The following CCDC3 variants were observed in gnomAD, a reference collection of about 807,000 sequenced individuals.
CCDC3 encodes coiled-coil domain containing 3.
CCDC3 carries 24 observed loss-of-function variants against 21.4 expected under a neutral mutation model. That is an observed-to-expected ratio of 1.12 (90% confidence interval 0.81 to 1.58). The LOEUF is 1.58. Among genes scored for constraint, CCDC3 ranks in the 40% most tolerant of loss-of-function variants. The probability of loss-of-function intolerance (pLI) is 0.00; values close to 1 mark genes in which losing one functional copy is unlikely to be tolerated. For missense variants in CCDC3, 425 were observed against 360.9 expected, an observed-to-expected ratio of 1.18 and a Z score of -1.44; for synonymous variants, 186 against 166.0, an observed-to-expected ratio of 1.12 and a Z score of -0.93.
intron 2 of CCDC3, among the ~76,000 whole-genome samples, chr10:12,964,421 G>T (rs1197480437): frequency 6.6e-6 from 1 of 151,636 alleles, no homozygotes; most frequent in South Asian, 2.1e-4. Context: ...CTTTATAAAA[G>T]CCACACCAAA....
At chr10:13,066,125 G>A (rs1267932584) in intron 4 of CCDC3, among the ~76,000 whole-genome samples, 2 of 151,952 alleles carry the variant, frequency 1.3e-5, no homozygotes, top group African/African-American at 4.8e-5. Flanking sequence ...ATCTGGAGTT[G>A]AGCCTAGGAA....
chr10:12,925,237 A>C (rs78562859), intron 2 of CCDC3, among the ~76,000 whole-genome samples: 8,090 of 152,198 alleles, frequency 0.053, 239 homozygotes, highest in Non-Finnish European at 0.072. Flanking sequence ...AGGAATATGA[A>C]GGAGGGGTGC....
At chr10:12,906,442 C>A (rs1039639538) in intron 2 of CCDC3, among the ~76,000 whole-genome samples, 2 of 152,164 alleles carry the variant, frequency 1.3e-5, no homozygotes, top group African/African-American at 4.8e-5. Flanking sequence ...AGGCAGCACC[C>A]GGCCTAGCTG....
chr10:12,915,186 T>C (rs942699481), intron 2 of CCDC3, among the ~76,000 whole-genome samples: 10 of 152,208 alleles, frequency 6.6e-5, no homozygotes, highest in African/African-American at 2.4e-5. Flanking sequence ...CCAGAATTGA[T>C]TTCTGGTTTC....
chr10:13,023,796 G>A (rs1836181855), intron 5 of CCDC3, among the ~76,000 whole-genome samples: 2 of 152,092 alleles, frequency 1.3e-5, no homozygotes. Flanking sequence ...ATCAATCCAG[G>A]TGCAGAAGGG....
intron 5 of CCDC3, among the ~76,000 whole-genome samples, chr10:13,039,277 G>C: frequency 6.6e-6 from 1 of 152,120 alleles, no homozygotes; most frequent in East Asian, 1.9e-4. Flanking sequence ...TCAAAAAATA[G>C]CTGGGTGTGG....
intron 3 of CCDC3, among the ~76,000 whole-genome samples, chr10:13,094,956 G>C (rs1266513245): frequency 6.6e-6 from 1 of 152,112 alleles, no homozygotes; most frequent in Admixed American, 6.5e-5. Flanking sequence ...CAGAGCCATG[G>C]TCCCTGGGAC....
chr10:13,043,485 C>T (rs573937782), intron 5 of CCDC3, among the ~76,000 whole-genome samples: 5 of 152,106 alleles, frequency 3.3e-5, no homozygotes, highest in South Asian at 2.1e-4. Flanking sequence ...CGCAGCTACT[C>T]GAGAGGCTGA....
intron 5 of CCDC3, among the ~76,000 whole-genome samples, chr10:13,019,424 T>A (rs1836115884): frequency 6.6e-6 from 1 of 152,146 alleles, no homozygotes; most frequent in African/African-American, 2.4e-5. Flanking sequence ...CCCACAGGTA[T>A]CACAATGAGA....
chr10:12,915,918 G>C (rs1834345925), intron 2 of CCDC3, among the ~76,000 whole-genome samples: 2 of 152,128 alleles, frequency 1.3e-5, no homozygotes, highest in African/African-American at 4.8e-5. Context: ...CCTGGCACCA[G>C]GGTCTGCAGG....
intron 2 of CCDC3, among the ~76,000 whole-genome samples, chr10:12,904,468 T>TAAAAAAAAAAAA (rs55772750): frequency 0.01 from 416 of 40,900 alleles, 86 homozygotes; most frequent in Middle Eastern, 0.056. Flanking sequence ...AAGCCAGTCT[T>TAAAAAAAAAAAA]AAAAAAAAAA....
chr10:12,979,423 C>G (rs1835463930), intron 2 of CCDC3, among the ~76,000 whole-genome samples: 1 of 151,884 alleles, frequency 6.6e-6, no homozygotes, highest in African/African-American at 2.4e-5. Context: ...GACAAGGTGT[C>G]ACTCCATTGC....
chr10:13,010,036 T>C (rs1589039178), intron 5 of CCDC3, among the ~76,000 whole-genome samples: 1 of 152,112 alleles, frequency 6.6e-6, no homozygotes, highest in Admixed American at 6.6e-5. Flanking sequence ...TCACCTGAGG[T>C]CAGGAGTTCG....
intron 2 of CCDC3, among the ~76,000 whole-genome samples, chr10:12,949,058 A>G (rs1834970630): frequency 6.6e-6 from 1 of 152,048 alleles, no homozygotes. Context: ...TGTCCTCAGT[A>G]GCTGGGCCAT....
chr10:13,093,826 A>T (rs1321686097), intron 3 of CCDC3, among the ~76,000 whole-genome samples: 1 of 152,180 alleles, frequency 6.6e-6, no homozygotes. Flanking sequence ...ACTACTGATC[A>T]ATTATTTAAT....
chr10:13,015,626 C>T (rs909754643), intron 5 of CCDC3, among the ~76,000 whole-genome samples: 1 of 152,012 alleles, frequency 6.6e-6, no homozygotes, highest in Non-Finnish European at 1.5e-5. Context: ...AATTCGGACC[C>T]ATTAACTCAT....
At position 13,050,182 on chromosome 10, in the gene CCDC3, C is replaced by T. The variant is rs151245141; in HGVS notation, c.-269-241G>A. 7.9e-3 allele frequency among the ~76,000 whole-genome samples: 1,201 copies of T among 152,144 alleles called. 14 individuals carry two copies. The highest frequency in any genetic ancestry group is 0.028 in the African/African-American group (1,151 of 41,494). On this transcript the variant is annotated intron_variant, in intron 4 of 6. Transcript: ENST00000378839. ...GGAACACAGCATTCTTTGCTGTGGC[C>T]GTGGGTGTGGAATTGGGGGCAGGGC...
intron 3 of CCDC3, among the ~76,000 whole-genome samples, chr10:13,096,062 C>T (rs1340642700): frequency 6.6e-6 from 1 of 152,068 alleles, no homozygotes; most frequent in Non-Finnish European, 1.5e-5. Context: ...TAGTCTACCA[C>T]CTCAGATGCA....
chr10:12,957,062 T>A (rs1470080390), intron 2 of CCDC3, among the ~76,000 whole-genome samples: 1 of 152,218 alleles, frequency 6.6e-6, no homozygotes, highest in East Asian at 1.9e-4. Flanking sequence ...TAAAAACTGT[T>A]CCTTTGAAAT....
Sources: allele counts gnomAD v4.1 joint callset (sites outside exome capture counted in the v4.1 genomes callset), GRCh38; gene constraint gnomAD v4.1.1; transcripts MANE v1.5; gene names NCBI Gene and HGNC (gene_info 2026-07-23, HGNC 2026-07-21).